Variants in SNTG2 observed in about 807,000 individuals in gnomAD.
The protein encoded by SNTG2 is gamma-2-syntrophin.
A neutral mutation model predicts 70.9 loss-of-function variants in SNTG2; 74 were observed. That is an observed-to-expected ratio of 1.04 (90% CI 0.86 to 1.27). The LOEUF is 1.27. SNTG2 is among the 50% of genes most tolerant of loss of function. SNTG2 has a pLI of 0.00. For synonymous variants in SNTG2, 278 were observed against 273.8 expected, an observed-to-expected ratio of 1.02 and a Z score of -0.15; for missense variants, 717 against 690.7, an observed-to-expected ratio of 1.04 and a Z score of -0.43.
At chr2:1,274,881 A>G (rs528738070) in intron 14 of SNTG2, among the ~76,000 whole-genome samples, 8 of 152,314 alleles carry the variant, frequency 5.3e-5, no homozygotes, top group African/African-American at 1.9e-4. Context: ...AGGCTAGGTA[A>G]TTTATAAAGG....
chr2:1,193,200 T>A (rs1224759922), intron 8 of SNTG2, among the ~76,000 whole-genome samples: 1 of 152,168 alleles, frequency 6.6e-6, no homozygotes, highest in Admixed American at 6.5e-5. Context: ...AGTTGCTCCT[T>A]AAAATAGGTG....
In SNTG2 at chr2:1,004,386, A is replaced by T. The variant is rs190509067; in HGVS notation, c.72+53318A>T. Among the ~76,000 whole-genome samples the T allele has an allele frequency of 6.6e-4, 101 of 152,358 alleles. 1 individual carries two copies. The highest frequency in any genetic ancestry group is 2.2e-3 in the African/African-American group (91 of 41,592). ...GACATTGTTAAGATAATGAAAAGACAAGCCAAAGACTTGTAGAAAGTATTT... is the reference window on the plus strand; with the variant it reads ...GACATTGTTAAGATAATGAAAAGACTAGCCAAAGACTTGTAGAAAGTATTT... On this transcript the variant is annotated intron_variant, in intron 1 of 16. Coordinates refer to ENST00000308624, the MANE Select transcript of SNTG2 (RefSeq NM_018968.4).
intron 16 of SNTG2, among the ~76,000 whole-genome samples, chr2:1,317,996 C>A (rs1487879489): frequency 6.6e-6 from 1 of 152,196 alleles, no homozygotes; most frequent in African/African-American, 2.4e-5. Flanking sequence ...GTTTTACAAA[C>A]TGTATTTTGT....
In SNTG2 at chr2:1,259,223, G is replaced by A. The variant is rs919862422; in HGVS notation, c.1006-147G>A. 4.9e-5 allele frequency: 32 copies of A among 658,190 alleles called. No homozygotes were observed. The East Asian group carries it at 7.7e-4, about 16-fold the overall frequency. The allele number at this position is 658,190 out of a possible 1,614,324, so 40.8% of individuals were successfully genotyped here. A position where few individuals can be genotyped will look rare whatever the true frequency, so the allele number is the denominator to read the frequency against. ...AACTCATCAAAACTCACAGCAGTAC[G>A]TAAAGTTTAATGTTACCAATTTATA... On this transcript the variant is annotated intron_variant, in intron 12 of 16. Coordinates refer to ENST00000308624, the MANE Select transcript of SNTG2 (RefSeq NM_018968.4).
chr2:1,127,752 T>C (rs1281825123), intron 4 of SNTG2, among the ~76,000 whole-genome samples: 1 of 152,146 alleles, frequency 6.6e-6, no homozygotes, highest in Non-Finnish European at 1.5e-5. Context: ...CTGATTTTTT[T>C]CAGCAAGTTC....
chr2:1,307,826 G>A (rs1056570324), intron 14 of SNTG2, among the ~76,000 whole-genome samples: 11 of 152,242 alleles, frequency 7.2e-5, no homozygotes, highest in African/African-American at 2.4e-4. Context: ...GACCTTCCGG[G>A]CAGAGCCCAG....
chr2:1,109,361 A>G (rs890596932), intron 4 of SNTG2, among the ~76,000 whole-genome samples: 1 of 152,114 alleles, frequency 6.6e-6, no homozygotes, highest in Non-Finnish European at 1.5e-5. Flanking sequence ...TAACACACAG[A>G]GAAAGGATGA....
intron 1 of SNTG2, among the ~76,000 whole-genome samples, chr2:1,022,917 A>G (rs1660272780): frequency 6.6e-6 from 1 of 152,114 alleles, no homozygotes; most frequent in African/African-American, 2.4e-5. Flanking sequence ...GAGAGTTAAG[A>G]TTTACTTTAA....
At chr2:1,180,369 A>G (rs1470061915) in intron 8 of SNTG2, among the ~76,000 whole-genome samples, 1 of 134,224 alleles carries the variant, frequency 7.5e-6, no homozygotes, top group Admixed American at 8.2e-5. Context: ...ACAAATTTAC[A>G]AGAAAAAAAC....
At chr2:1,347,233 A>AG (rs1558222473) in intron 16 of SNTG2, among the ~76,000 whole-genome samples, 1 of 152,198 alleles carries the variant, frequency 6.6e-6, no homozygotes, top group East Asian at 1.9e-4. Context: ...CATAACAGGT[A>AG]GGGGGCTTTG....
intron 1 of SNTG2, among the ~76,000 whole-genome samples, chr2:980,633 G>C (rs558736618): frequency 1.3e-5 from 2 of 151,950 alleles, no homozygotes; most frequent in African/African-American, 4.8e-5. Context: ...CTTCATACAA[G>C]CCATCCAGTA....
At chr2:1,263,140 A>G (rs1405305343) in intron 13 of SNTG2, among the ~76,000 whole-genome samples, 2 of 152,208 alleles carry the variant, frequency 1.3e-5, no homozygotes, top group African/African-American at 2.4e-5. Flanking sequence ...CCATTACAAC[A>G]CTGAGTTCAG....
intron 9 of SNTG2, among the ~76,000 whole-genome samples, chr2:1,229,685 G>A (rs1676059230): frequency 6.6e-6 from 1 of 152,180 alleles, no homozygotes; most frequent in African/African-American, 2.4e-5. Context: ...CCGCACAGGA[G>A]CCAATGGAGG....
At chr2:1,070,964 A>G (rs1042127206) in intron 1 of SNTG2, among the ~76,000 whole-genome samples, 1 of 152,154 alleles carries the variant, frequency 6.6e-6, no homozygotes, top group African/African-American at 2.4e-5. Context: ...CATTTAACAA[A>G]TGACATTTTG....
intron 1 of SNTG2, among the ~76,000 whole-genome samples, chr2:1,082,348 T>G (rs1249308034): frequency 6.6e-6 from 1 of 152,218 alleles, no homozygotes; most frequent in East Asian, 1.9e-4. Context: ...ACTCCGGATC[T>G]CTGGGGCAGA....
rs1435393630 is a variant in SNTG2, at chr2:1,222,075, CTCTG to C, written c.719+12849_719+12852del. Among the ~76,000 whole-genome samples, 27 of 91,158 alleles carry C rather than the reference CTCTG, an allele frequency of 3.0e-4. 3 individuals carry two copies. Among genetic ancestry groups the C allele is most frequent in the Non-Finnish European group, 4.0e-4 (17 of 42,512 alleles). The allele number at this position is 91,158 out of a possible 152,430, so 59.8% of individuals were successfully genotyped here. On this transcript the variant is annotated intron_variant, in intron 9 of 16. Coordinates refer to ENST00000308624, the MANE Select transcript of SNTG2 (RefSeq NM_018968.4). ...TCTCTCTGTCTCTGTTTCTCTCTGTCTCTGTCTCTGTCTCTCTCTGTCTCTCTCT... is the reference window on the plus strand; with the variant it reads ...TCTCTCTGTCTCTGTTTCTCTCTGTCTCTCTGTCTCTCTCTGTCTCTCTCT...
intron 6 of SNTG2, among the ~76,000 whole-genome samples, chr2:1,149,116 T>C (rs1267632573): frequency 6.6e-6 from 1 of 152,136 alleles, no homozygotes; most frequent in East Asian, 1.9e-4. Flanking sequence ...CTGGATTCCA[T>C]GGTTCATACA....
chr2:1,366,867 G>A (rs1268716123), intron 16 of SNTG2, among the ~76,000 whole-genome samples: 1 of 152,168 alleles, frequency 6.6e-6, no homozygotes, highest in African/African-American at 2.4e-5. Flanking sequence ...AAGCCCACAC[G>A]CACCCATACA....
At position 1,308,416 on chromosome 2, in the gene SNTG2, G is replaced by A. The variant is rs992028726; in HGVS notation, c.1285-78G>A. On this transcript the variant is annotated intron_variant, in intron 14 of 16. Coordinates refer to ENST00000308624, the MANE Select transcript of SNTG2 (RefSeq NM_018968.4). ...TTTTATAATTTTTGACCAAAGGGGG[G>A]TTAATATGGAGACTACCTAATTAAA... 3.4e-5 allele frequency: 44 copies of A among 1,310,062 alleles called. No homozygotes were observed. In the African/African-American group the frequency reaches 5.8e-4, roughly 17 times the overall value. 81.2% of individuals were successfully genotyped at this position (1,310,062 alleles called of 1,614,324 possible).
Sources: allele counts gnomAD v4.1 joint callset (sites outside exome capture counted in the v4.1 genomes callset), GRCh38; gene constraint gnomAD v4.1.1; transcripts MANE v1.5; gene names NCBI Gene and HGNC (gene_info 2026-07-23, HGNC 2026-07-21).